The following NRXN1 variants were observed in gnomAD, a reference collection of about 807,000 sequenced individuals.
NRXN1 encodes the protein neurexin-1.
NRXN1 carries 39 observed loss-of-function variants against 150.9 expected under a neutral mutation model. The observed-to-expected ratio is 0.26, with a 90% CI of 0.20 to 0.34. NRXN1 has a LOEUF of 0.34. Ranked by LOEUF, NRXN1 falls within the 10% of genes least tolerant of loss-of-function variation. The pLI, the probability that NRXN1 is intolerant of heterozygous loss-of-function variation, is 1.00. For synonymous variants in NRXN1, 924 were observed against 757.0 expected (o/e 1.22, Z -3.62); for missense variants, 1,815 against 1,949.9 (o/e 0.93, Z 1.30).
chr2:50,582,997 C>G (rs918235710), intron 8 of NRXN1, among the ~76,000 whole-genome samples: 3 of 151,972 alleles, frequency 2.0e-5, no homozygotes, highest in African/African-American at 7.2e-5. Flanking sequence ...TCTCTCTTTT[C>G]TCTCTGATCC....
At chr2:50,067,159 T>C (rs1695489712) in intron 19 of NRXN1, among the ~76,000 whole-genome samples, 1 of 152,202 alleles carries the variant, frequency 6.6e-6, no homozygotes, top group African/African-American at 2.4e-5. Flanking sequence ...CGTAGAAGGC[T>C]GCAGGCTGTC....
At chr2:50,300,717 A>G (rs1393713716) in intron 17 of NRXN1, among the ~76,000 whole-genome samples, 1 of 152,094 alleles carries the variant, frequency 6.6e-6, no homozygotes, top group African/African-American at 2.4e-5. Flanking sequence ...TTGTTTTGAG[A>G]CAGAGTCTTG....
At position 50,347,800 on chromosome 2, in the gene NRXN1, A is replaced by C; in HGVS notation, c.3365-110830T>G. On this transcript the variant is annotated intron_variant, in intron 17 of 22. Coordinates refer to ENST00000401669, the MANE Select transcript of NRXN1 (RefSeq NM_001330078.2). This position sits in a 1 kb window ranked among gnomAD's most constrained non-coding sequence, Gnocchi z 4.9. ...GCTGGTGAAGCAAGGGGCTCTATGC[A>C]AATCTGCAGTCTCCAAACAGCAAAT... 27 of 986,152 alleles carry C rather than the reference A, an allele frequency of 2.7e-5. No homozygotes were observed. Among genetic ancestry groups the C allele is most frequent in the Non-Finnish European group, 3.3e-5 (27 of 830,448 alleles). The allele number at this position is 986,152 out of a possible 1,614,324, so 61.1% of individuals were successfully genotyped here. A position where few individuals can be genotyped will look rare whatever the true frequency, so the allele number is the denominator to read the frequency against.
At chr2:50,272,699 T>C (rs1195518221) in intron 17 of NRXN1, among the ~76,000 whole-genome samples, 3 of 152,034 alleles carry the variant, frequency 2.0e-5, no homozygotes, top group African/African-American at 7.2e-5. Flanking sequence ...AGAGGCTCAA[T>C]AGATACAGCA....
intron 5 of NRXN1, among the ~76,000 whole-genome samples, chr2:50,631,547 T>C (rs1189301209): frequency 6.6e-6 from 1 of 151,924 alleles, no homozygotes. Flanking sequence ...AATTTCTAGA[T>C]ATTGCCATAA....
intron 17 of NRXN1, among the ~76,000 whole-genome samples, chr2:50,444,156 C>A (rs1482437407): frequency 6.6e-6 from 1 of 152,130 alleles, no homozygotes; most frequent in Non-Finnish European, 1.5e-5. Flanking sequence ...TTCTTTCATT[C>A]TTCTCTGATA....
intron 18 of NRXN1, among the ~76,000 whole-genome samples, chr2:50,225,842 T>C (rs949209541): frequency 3.9e-5 from 6 of 151,994 alleles, no homozygotes; most frequent in Non-Finnish European, 7.4e-5. Context: ...CACAAAATCT[T>C]TGGGGTAACT....
At position 50,636,702 on chromosome 2, in the gene NRXN1, A is replaced by C. The variant is rs1328454776; in HGVS notation, c.833-13087T>G. Among the ~76,000 whole-genome samples, 4 of 152,152 alleles carry C rather than the reference A, an allele frequency of 2.6e-5. No individual in the cohort carries two copies. The East Asian group carries it at 7.7e-4, about 29-fold the overall frequency. ...TTCTGTGAGGACTTACAAATTCAGA[A>C]AGACAAAGGAATATGGAAAGGCCTG... On this transcript the variant is annotated intron_variant, in intron 5 of 22. Transcript: ENST00000401669.
intron 21 of NRXN1, among the ~76,000 whole-genome samples, chr2:50,048,452 T>A (rs538852683): frequency 6.6e-6 from 1 of 152,226 alleles, no homozygotes; most frequent in East Asian, 1.9e-4. Flanking sequence ...ATATTTTTAA[T>A]AAAAATAAAA....
intron 5 of NRXN1, among the ~76,000 whole-genome samples, chr2:50,896,275 C>T (rs1681941641): frequency 6.6e-6 from 1 of 152,060 alleles, no homozygotes; most frequent in African/African-American, 2.4e-5. Context: ...CAAAAACATC[C>T]CAGCTCATAG....
At chr2:50,277,411 CCCTT>C (rs1252789412) in intron 17 of NRXN1, among the ~76,000 whole-genome samples, 4 of 64,938 alleles carry the variant, frequency 6.2e-5, no homozygotes, top group Admixed American at 3.7e-4. Context: ...CTCCCTCCTT[CCCTT>C]CCTTCCTTCC....
chr2:50,711,634 G>A (rs1340168428), intron 5 of NRXN1, among the ~76,000 whole-genome samples: 1 of 151,744 alleles, frequency 6.6e-6, no homozygotes, highest in African/African-American at 2.4e-5. Context: ...CCGCACCTGG[G>A]CTCAGGTAAT....
At chr2:50,297,359 T>C (rs2073708593) in intron 17 of NRXN1, among the ~76,000 whole-genome samples, 1 of 152,214 alleles carries the variant, frequency 6.6e-6, no homozygotes, top group Admixed American at 6.5e-5. Flanking sequence ...GAAGTAGTGC[T>C]CATCAGGTAA....
chr2:50,947,104 A>G (rs757860636), intron 2 of NRXN1, among the ~76,000 whole-genome samples: 29 of 152,100 alleles, frequency 1.9e-4, no homozygotes, highest in Non-Finnish European at 3.5e-4. Flanking sequence ...GCAACCAGAA[A>G]TTTCTTACAT....
At chr2:50,405,503 G>A (rs968300959) in intron 17 of NRXN1, among the ~76,000 whole-genome samples, 1 of 152,054 alleles carries the variant, frequency 6.6e-6, no homozygotes, top group African/African-American at 2.4e-5. Context: ...TGAAAATAAA[G>A]AAAATAAAAC....
At chr2:50,241,552 T>A (rs1196742925) in intron 17 of NRXN1, among the ~76,000 whole-genome samples, 3 of 151,892 alleles carry the variant, frequency 2.0e-5, no homozygotes, top group Non-Finnish European at 4.4e-5. Flanking sequence ...TTCAGCAATC[T>A]CCACATTTAA....
chr2:50,291,261 C>A (rs976504541), intron 17 of NRXN1, among the ~76,000 whole-genome samples: 1 of 152,010 alleles, frequency 6.6e-6, no homozygotes, highest in African/African-American at 2.4e-5. Flanking sequence ...TTCCCAGATG[C>A]ATGCATCTAT....
At chr2:50,741,126 G>A (rs1340756385) in intron 5 of NRXN1, among the ~76,000 whole-genome samples, 2 of 152,004 alleles carry the variant, frequency 1.3e-5, no homozygotes, top group Non-Finnish European at 1.5e-5. Context: ...ATTAAAAAAA[G>A]ATCAAAATTG....
chr2:49,991,312 A>G (rs1167840060), intron 21 of NRXN1, among the ~76,000 whole-genome samples: 3 of 152,166 alleles, frequency 2.0e-5, no homozygotes, highest in African/African-American at 4.8e-5. Context: ...AGGTGACACA[A>G]TTGTGTATGC....
Sources: gnomAD v4.1 joint callset for allele counts (sites outside exome capture counted in the v4.1 genomes callset) on GRCh38, gnomAD v4.1.1 for gene constraint, Gnocchi (gnomAD v3.1) non-coding constraint, MANE v1.5 for transcripts, NCBI Gene and HGNC (gene_info 2026-07-23, HGNC 2026-07-21) for gene names.